Variants in PTPRR observed in about 807,000 individuals in gnomAD.
The protein encoded by PTPRR is protein tyrosine phosphatase receptor type R.
A neutral mutation model predicts 77.2 loss-of-function variants in PTPRR; 38 were observed. The observed-to-expected ratio is 0.49, with a 90% CI of 0.38 to 0.65. PTPRR has a LOEUF of 0.65. Among genes scored for constraint, PTPRR ranks in the 30% least tolerant of loss-of-function variants. The pLI, the probability that PTPRR is intolerant of heterozygous loss-of-function variation, is 0.00. For missense variants in PTPRR, 744 were observed against 799.2 expected, an observed-to-expected ratio of 0.93 and a Z score of 0.83; for synonymous variants, 299 against 283.1, an observed-to-expected ratio of 1.06 and a Z score of -0.57.
intron 2 of PTPRR, among the ~76,000 whole-genome samples, chr12:70,767,397 A>G (rs1592744754): frequency 6.7e-6 from 1 of 150,322 alleles, no homozygotes; most frequent in East Asian, 1.9e-4. Flanking sequence ...TTAAACCAAC[A>G]AAGATCAAAA....
chr12:70,828,135 G>A (rs1398736532), intron 2 of PTPRR, among the ~76,000 whole-genome samples: 2 of 152,064 alleles, frequency 1.3e-5, no homozygotes, highest in Non-Finnish European at 2.9e-5. Context: ...ACATTCTGAG[G>A]GACATACATA....
At chr12:70,714,614 C>T (rs1888950677) in intron 6 of PTPRR, among the ~76,000 whole-genome samples, 1 of 151,880 alleles carries the variant, frequency 6.6e-6, no homozygotes, top group African/African-American at 2.4e-5. Context: ...TTGCTATTAC[C>T]AACAATGTTG....
intron 6 of PTPRR, among the ~76,000 whole-genome samples, chr12:70,728,361 A>AC (rs1176351038): frequency 1.4e-5 from 2 of 143,572 alleles, no homozygotes; most frequent in Non-Finnish European, 3.0e-5. Flanking sequence ...CTGAAAAAAA[A>AC]ACAAAAAATC....
At chr12:70,781,362 A>G (rs1178018744) in intron 2 of PTPRR, among the ~76,000 whole-genome samples, 1 of 152,248 alleles carries the variant, frequency 6.6e-6, no homozygotes, top group Non-Finnish European at 1.5e-5. Context: ...GAGGTTTCTC[A>G]ACAGAGCCAG....
intron 6 of PTPRR, among the ~76,000 whole-genome samples, chr12:70,733,542 C>T (rs1160401611): frequency 1.5e-5 from 2 of 137,696 alleles, no homozygotes; most frequent in South Asian, 2.3e-4. Context: ...AAGGGGCTAA[C>T]AACTGTGTCA....
At chr12:70,647,521 C>T (rs1375145824) in intron 13 of PTPRR, among the ~76,000 whole-genome samples, 1 of 152,244 alleles carries the variant, frequency 6.6e-6, no homozygotes, top group African/African-American at 2.4e-5. Flanking sequence ...GTCACTATCT[C>T]AAACTGTAGA....
intron 2 of PTPRR, among the ~76,000 whole-genome samples, chr12:70,804,516 G>A (rs1021953882): frequency 3.3e-5 from 5 of 151,908 alleles, no homozygotes; most frequent in Admixed American, 1.3e-4. Context: ...AGTAAGCCAT[G>A]ATCACACCAC....
At chr12:70,839,564 G>C (rs1029485295) in intron 2 of PTPRR, among the ~76,000 whole-genome samples, 1 of 152,102 alleles carries the variant, frequency 6.6e-6, no homozygotes, top group Non-Finnish European at 1.5e-5. Context: ...TAAAGTTAAG[G>C]AGGATAAAAC....
At chr12:70,842,797 G>A (rs1892418678) in intron 2 of PTPRR, among the ~76,000 whole-genome samples, 2 of 152,214 alleles carry the variant, frequency 1.3e-5, no homozygotes, top group African/African-American at 4.8e-5. Context: ...AATAGTCACA[G>A]ATTCCAGAGA....
chr12:70,884,323 T>C (rs892956963), intron 2 of PTPRR, among the ~76,000 whole-genome samples: 1 of 152,042 alleles, frequency 6.6e-6, no homozygotes, highest in Non-Finnish European at 1.5e-5. Context: ...AACTATTGAA[T>C]AGTAACAAGA....
At chr12:70,832,207 G>A (rs1892225375) in intron 2 of PTPRR, among the ~76,000 whole-genome samples, 1 of 152,148 alleles carries the variant, frequency 6.6e-6, no homozygotes, top group Non-Finnish European at 1.5e-5. Flanking sequence ...CTGGGTCAGG[G>A]ATTGTAAATT....
intron 13 of PTPRR, among the ~76,000 whole-genome samples, chr12:70,642,933 G>A (rs1886060661): frequency 6.6e-6 from 1 of 152,146 alleles, no homozygotes; most frequent in African/African-American, 2.4e-5. Context: ...GATCACTCGA[G>A]CCCAAAGTGG....
intron 2 of PTPRR, among the ~76,000 whole-genome samples, chr12:70,863,562 A>G (rs1592800149): frequency 6.6e-6 from 1 of 152,068 alleles, no homozygotes; most frequent in Non-Finnish European, 1.5e-5. Flanking sequence ...AAATATAAGT[A>G]TGTCATCTTT....
intron 2 of PTPRR, among the ~76,000 whole-genome samples, chr12:70,848,172 A>G (rs1892515927): frequency 6.6e-6 from 1 of 152,228 alleles, no homozygotes; most frequent in Non-Finnish European, 1.5e-5. Flanking sequence ...GAACTGTCAA[A>G]CAACTCTAAA....
intron 5 of PTPRR, among the ~76,000 whole-genome samples, chr12:70,753,112 A>G (rs1382479657): frequency 6.6e-6 from 1 of 152,016 alleles, no homozygotes; most frequent in African/African-American, 2.4e-5. Flanking sequence ...TTGTTACTTC[A>G]CAGATTTTAA....
chr12:70,827,074 C>T (rs1377091769), intron 2 of PTPRR, among the ~76,000 whole-genome samples: 1 of 152,228 alleles, frequency 6.6e-6, no homozygotes, highest in Non-Finnish European at 1.5e-5. Context: ...TACAGCCAAA[C>T]CTCAGCTAGC....
intron 2 of PTPRR, among the ~76,000 whole-genome samples, chr12:70,793,058 T>G (rs1292601155): frequency 6.6e-6 from 1 of 152,164 alleles, no homozygotes; most frequent in Admixed American, 6.6e-5. Flanking sequence ...TAAGAAGGGA[T>G]GAGACAATGT....
chr12:70,804,216 T>C (rs964638217), intron 2 of PTPRR, among the ~76,000 whole-genome samples: 1 of 150,832 alleles, frequency 6.6e-6, no homozygotes, highest in African/African-American at 2.4e-5. Context: ...ATTTCTTGTA[T>C]GCTTGTTATA....
chr12:70,684,920 A>G (rs1391729284), intron 8 of PTPRR, 137 bp from the exon 9 acceptor site: 7 of 574,840 alleles, frequency 1.2e-5, no homozygotes, highest in Non-Finnish European at 2.1e-5. Context: ...TTTGGTGTCC[A>G]TTGCTTGATC....
Sources: gnomAD v4.1 joint callset for allele counts (sites outside exome capture counted in the v4.1 genomes callset) on GRCh38, gnomAD v4.1.1 for gene constraint, MANE v1.5 for transcripts, NCBI Gene and HGNC (gene_info 2026-07-23, HGNC 2026-07-21) for gene names.